The following MCOLN2 variants were observed in gnomAD, a reference collection of about 807,000 sequenced individuals.
MCOLN2 encodes mucolipin-2.
A neutral mutation model predicts 67.5 loss-of-function variants in MCOLN2; 57 were observed. The observed-to-expected ratio is 0.84, with a 90% CI of 0.68 to 1.05. MCOLN2 has a LOEUF of 1.05. MCOLN2 is among the 50% of genes least tolerant of loss of function. The probability of loss-of-function intolerance (pLI) is 0.00; values close to 1 mark genes in which losing one functional copy is unlikely to be tolerated. For missense variants in MCOLN2, 620 were observed against 678.8 expected, an observed-to-expected ratio of 0.91 and a Z score of 0.96; for synonymous variants, 246 against 233.3, an observed-to-expected ratio of 1.05 and a Z score of -0.50.
chr1:84,948,905 G>A (rs951803713), intron 6 of MCOLN2, among the ~76,000 whole-genome samples: 1 of 152,172 alleles, frequency 6.6e-6, no homozygotes, highest in Non-Finnish European at 1.5e-5. Flanking sequence ...CAAGGCAGGT[G>A]GATCATTTTA....
chr1:84,939,400 A>G (rs1647618425), intron 9 of MCOLN2, among the ~76,000 whole-genome samples, 153 bp downstream of exon 9: 1 of 152,200 alleles, frequency 6.6e-6, no homozygotes, highest in African/African-American at 2.4e-5. Context: ...TCCCTTCACG[A>G]GGAACCAAGC....
intron 1 of MCOLN2, among the ~76,000 whole-genome samples, chr1:84,967,265 G>A (rs1649427548): frequency 6.6e-6 from 1 of 152,182 alleles, no homozygotes; most frequent in South Asian, 2.1e-4. Flanking sequence ...TCCATCCCAA[G>A]TCTTTCCATT....
At position 84,952,492 on chromosome 1, in the gene MCOLN2, G is replaced by C. The variant is rs138870286; in HGVS notation, c.604C>G (p.Pro202Ala). The change falls in exon 5 of 14, where the codon CCT (proline) becomes GCT (alanine). Residue 202 changes from proline (P) to alanine (A), a missense_variant. Coordinates refer to ENST00000370608, the MANE Select transcript of MCOLN2 (RefSeq NM_153259.4). The stretch of plus-strand genomic sequence containing the variant: ...AATGATGAGTTCTTCCAGTCCGGAG[G>C]CTTCTTGGAGAGGTCCTGAAGGTCT... The part of the protein sequence containing the change: ...QLDLQDLSKK[P>A]PDWKNSSFFR... 1.7e-5 allele frequency: 27 copies of C among 1,613,020 alleles called. No individual in the cohort carries two copies. The African/African-American group carries it at 2.7e-4, about 16-fold the overall frequency.
At chr1:84,972,710 A>G (rs1649758364) in intron 1 of MCOLN2, among the ~76,000 whole-genome samples, 1 of 152,260 alleles carries the variant, frequency 6.6e-6, no homozygotes, top group Admixed American at 6.5e-5. Context: ...TAAGGCTATC[A>G]TATGATCAAG....
At chr1:84,959,130 T>C (rs1175652230) in intron 2 of MCOLN2, among the ~76,000 whole-genome samples, 1 of 152,246 alleles carries the variant, frequency 6.6e-6, no homozygotes, top group African/African-American at 2.4e-5. Context: ...GTTTTACATA[T>C]GGCTTTTAAA....
intron 3 of MCOLN2, among the ~76,000 whole-genome samples, chr1:84,957,540 C>T (rs865913137): frequency 1.6e-4 from 24 of 152,160 alleles, no homozygotes; most frequent in Admixed American, 1.6e-3. Flanking sequence ...ACTGCCTTCC[C>T]AATCCTCACC....
rs879264635 is a variant in MCOLN2 at position 84,937,877 on chromosome 1, C to G, written c.1213G>C (p.Val405Leu). Residue 405 changes from valine (V) to leucine (L), a missense_variant and splice_region_variant, in exon 11 of 14, where the codon GTG becomes CTG. Val to Leu is a conservative substitution (Grantham distance 32). Coordinates refer to ENST00000370608, the MANE Select transcript of MCOLN2 (RefSeq NM_153259.4). ...GAGGCCTGCATTGTTAAAATCAGCA[C>G]CTGAAAAAAAGAACAGAATGGGTGA... ...RYLGYFQAYN[V>L]LILTMQASLP... 1 of 1,613,334 alleles carries G rather than the reference C, an allele frequency of 6.2e-7. No homozygotes were observed. Among genetic ancestry groups the G allele is most frequent in the Admixed American group, 1.7e-5 (1 of 59,838 alleles).
At chr1:84,948,886 T>C (rs1292358684) in intron 6 of MCOLN2, among the ~76,000 whole-genome samples, 3 of 152,234 alleles carry the variant, frequency 2.0e-5, no homozygotes, top group African/African-American at 7.2e-5. Context: ...TCCCAGCACT[T>C]TGGAAGGCCA....
intron 1 of MCOLN2, among the ~76,000 whole-genome samples, chr1:84,976,895 C>T (rs1650016069): frequency 6.6e-6 from 1 of 152,146 alleles, no homozygotes; most frequent in African/African-American, 2.4e-5. Flanking sequence ...AAGTAATCAC[C>T]TGAAGGTACA....
chr1:84,970,553 C>G (rs986371494), intron 1 of MCOLN2, among the ~76,000 whole-genome samples: 4 of 151,542 alleles, frequency 2.6e-5, no homozygotes, highest in Admixed American at 6.6e-5. Flanking sequence ...TGTGGTGGCA[C>G]ACGCCTGCAA....
intron 2 of MCOLN2, among the ~76,000 whole-genome samples, chr1:84,962,610 G>C (rs776685797): frequency 2.6e-5 from 4 of 152,164 alleles, no homozygotes; most frequent in Non-Finnish European, 5.9e-5. Context: ...CCATGTGCTG[G>C]ATGGTCAGGC....
chr1:84,953,833 C>T (rs1648640405), intron 4 of MCOLN2, among the ~76,000 whole-genome samples: 2 of 152,160 alleles, frequency 1.3e-5, no homozygotes, highest in Admixed American at 6.5e-5. Context: ...AGACAAGCAC[C>T]TTTCAGGGTC....
At chr1:84,985,691 C>T (rs898237320) in intron 1 of MCOLN2, among the ~76,000 whole-genome samples, 1 of 152,024 alleles carries the variant, frequency 6.6e-6, no homozygotes, top group Non-Finnish European at 1.5e-5. Flanking sequence ...TTCACAACAG[C>T]TGCAAAAAAA....
At chr1:84,995,004 G>C (rs1651078551) in intron 1 of MCOLN2, among the ~76,000 whole-genome samples, 1 of 152,126 alleles carries the variant, frequency 6.6e-6, no homozygotes, top group Non-Finnish European at 1.5e-5. Flanking sequence ...GTGTCTCAGG[G>C]AATAGAGAGG....
At position 84,952,289 on chromosome 1, in the gene MCOLN2, G is replaced by A. The variant is rs1208256327; in HGVS notation, c.701C>T (p.Thr234Ile). 6.2e-7 allele frequency: 1 copy of A among 1,613,700 alleles called. No homozygotes were observed. The highest frequency in any genetic ancestry group is 2.2e-5 in the East Asian group (1 of 44,842). The change falls in exon 6 of 14, where the codon ACA becomes ATA. Residue 234 changes from threonine (T) to isoleucine (I), a missense_variant. Transcript: ENST00000370608. ...GTCTGGTAACTCACGGGAATGAATT[G>A]TCTGTAGGTCAATGCCTTTAAGATG... Reference protein sequence around the residue: ...SFHLKGIDLQTIHSRELPDCY... With the variant: ...SFHLKGIDLQIIHSRELPDCY...
At chr1:84,978,577 C>T (rs1213665703) in intron 1 of MCOLN2, among the ~76,000 whole-genome samples, 1 of 152,028 alleles carries the variant, frequency 6.6e-6, no homozygotes, top group African/African-American at 2.4e-5. Context: ...ATACTATGAG[C>T]AACTATATAC....
At chr1:84,990,641 G>T (rs149932845) in intron 1 of MCOLN2, among the ~76,000 whole-genome samples, 25 of 152,182 alleles carry the variant, frequency 1.6e-4, no homozygotes, top group African/African-American at 6.0e-4. Flanking sequence ...GCATAAGCTG[G>T]GCATGGTGGC....
rs771398343 is a variant in MCOLN2 at position 84,929,719 on chromosome 1, C to G, written c.1543-40G>C. The G allele has an allele frequency of 3.2e-6, 5 of 1,583,214 alleles. No homozygotes were observed. In the South Asian group the frequency reaches 3.4e-5, roughly 11 times the overall value. The stretch of plus-strand genomic sequence containing the variant: ...CAATGTTGTTACCTTATTTATAAGG[C>G]ATGAGAAATTGCTCTTTTGTCAACA... On this transcript the variant is annotated intron_variant, in intron 12 of 13. Coordinates refer to ENST00000370608, the MANE Select transcript of MCOLN2 (RefSeq NM_153259.4).
chr1:84,933,212 G>A (rs1038728061), intron 11 of MCOLN2, among the ~76,000 whole-genome samples: 5 of 152,102 alleles, frequency 3.3e-5, no homozygotes, highest in South Asian at 2.1e-4. Context: ...TCTGCACTCC[G>A]TATCGGTAAG....
Sources: gnomAD v4.1 joint callset for allele counts (sites outside exome capture counted in the v4.1 genomes callset) on GRCh38, gnomAD v4.1.1 for gene constraint, MANE v1.5 for transcripts, NCBI Gene and HGNC (gene_info 2026-07-23, HGNC 2026-07-21) for gene names.